The following NRDC variants were observed in gnomAD, a reference collection of about 807,000 sequenced individuals.
NRDC encodes the protein nardilysin.
In NRDC, 54 loss-of-function variants were observed where a neutral mutation model predicts 147.1. That is an observed-to-expected ratio of 0.37 (90% CI 0.29 to 0.46). The LOEUF (loss-of-function observed/expected upper bound fraction) is 0.46. NRDC is among the 20% of genes least tolerant of loss of function. The probability of loss-of-function intolerance (pLI) is 1.00; values close to 1 mark genes in which losing one functional copy is unlikely to be tolerated. For synonymous variants in NRDC, 440 were observed against 482.1 expected (o/e 0.91, Z 1.14); for missense variants, 1,082 against 1,370.6 (o/e 0.79, Z 3.33).
rs1284179343 is a variant in NRDC, at chr1:51,840,474, A to C, written c.382T>G (p.Ser128Ala). 1 of 1,611,376 alleles carries C rather than the reference A, an allele frequency of 6.2e-7. No individual in the cohort carries two copies. ...TTACCTTCCATATTACTTAGGTCTG[A>C]AATCAGAAGTGCCTGCAAGCCATTC... ...LQNGLQALLI[S>A]DLSNMEGKTG... is the part of the protein sequence containing the mutation. The change falls in exon 2 of 31, where the codon TCA becomes GCA. Residue 128 changes from serine (S) to alanine (A), a missense_variant. This residue lies in a region of NRDC where 260 missense variants were observed against 253.2 expected (regional missense o/e 1.03). Coordinates refer to ENST00000352171, the MANE Select transcript of NRDC (RefSeq NM_001101662.2).
Position 51,840,346 on chromosome 1 carries a change from CTCT to C in NRDC, c.507_509del (p.Glu170del), listed in dbSNP as rs1571889386. The C allele has an allele frequency of 1.3e-6, 2 of 1,530,212 alleles. No homozygotes were observed. The highest frequency in any genetic ancestry group is 4.5e-5 in the East Asian group (2 of 44,370). The allele number at this position is 1,530,212 out of a possible 1,614,324, so 94.8% of individuals were successfully genotyped here. A position where few individuals can be genotyped will look rare whatever the true frequency, so the allele number is the denominator to read the frequency against. On this transcript the variant is annotated inframe_deletion, in exon 2 of 31. Coordinates refer to ENST00000352171, the MANE Select transcript of NRDC (RefSeq NM_001101662.2). The stretch of plus-strand genomic sequence containing the variant: ...CAAACTCATCTTCATCATCAAAACC[CTCT>C]TCATCGTCATCTTCTATTTCAGCTC...
At chr1:51,807,052 AGT>A in intron 17 of NRDC, 139 bp from the exon 18 acceptor site, 1 of 91,140 alleles carries the variant, frequency 1.1e-5, no homozygotes, top group Non-Finnish European at 1.5e-5. Flanking sequence ...ACATTAAATT[AGT>A]AGACCAATAC....
In NRDC at chr1:51,840,219, C is replaced by A; in HGVS notation, c.630+7G>T. The A allele has an allele frequency of 1.3e-6, 2 of 1,587,152 alleles. No individual in the cohort carries two copies. Among genetic ancestry groups the A allele is most frequent in the Admixed American group, 1.8e-5 (1 of 55,170 alleles). ...CCAAATTAGAAGAAAACAGACATGA[C>A]TCGCACCTGTTTTTCAGTAGTTTTT... On this transcript the variant is annotated splice_region_variant and intron_variant, in intron 2 of 30. Coordinates refer to ENST00000352171, the MANE Select transcript of NRDC (RefSeq NM_001101662.2).
chr1:51,849,392 G>A (rs1430889070), intron 1 of NRDC, among the ~76,000 whole-genome samples: 5 of 151,760 alleles, frequency 3.3e-5, no homozygotes, highest in Admixed American at 2.6e-4. Context: ...TACAACTTGG[G>A]CGACAGGGCA....
At chr1:51,795,081 G>A (rs1308938756) in intron 22 of NRDC, 7 of 1,458,252 alleles carry the variant, frequency 4.8e-6, no homozygotes, top group Non-Finnish European at 5.5e-6. Flanking sequence ...TTGGCAATCT[G>A]TTTACCCATA....
chr1:51,863,563 A>G (rs1682658847), intron 1 of NRDC, among the ~76,000 whole-genome samples: 1 of 152,210 alleles, frequency 6.6e-6, no homozygotes, highest in Non-Finnish European at 1.5e-5. Flanking sequence ...TGTGCTATAA[A>G]AAGTTAAAAC....
chr1:51,809,758 C>T (rs904389511), intron 16 of NRDC, among the ~76,000 whole-genome samples: 3 of 151,992 alleles, frequency 2.0e-5, no homozygotes, highest in Admixed American at 6.6e-5. Flanking sequence ...CAAAATTAGC[C>T]GGGCATGGTG....
chr1:51,789,517 A>G, intron 30 of NRDC, 51 bp downstream of exon 30: 1 of 1,589,486 alleles, frequency 6.3e-7, no homozygotes, highest in Admixed American at 1.7e-5. Flanking sequence ...ACCCAAACTC[A>G]CTCAGTAAAT....
intron 18 of NRDC, among the ~76,000 whole-genome samples, chr1:51,805,933 TGAG>T (rs779509273): frequency 9.2e-5 from 14 of 152,174 alleles, no homozygotes; most frequent in Non-Finnish European, 2.1e-4. Flanking sequence ...AAACTGAATT[TGAG>T]GAGATTTTTA....
At position 51,808,779 on chromosome 1, in the gene NRDC, C is replaced by T. The variant is rs566883817; in HGVS notation, c.1990+536G>A. ...GCAACTCACTTAGAAATATGTTTTCCACTGCAAGCTAGTAGACAGGCAGAT... is the reference window on the plus strand; with the variant it reads ...GCAACTCACTTAGAAATATGTTTTCTACTGCAAGCTAGTAGACAGGCAGAT... On this transcript the variant is annotated intron_variant, in intron 17 of 30. Transcript: ENST00000352171. Among the ~76,000 whole-genome samples the T allele has an allele frequency of 4.6e-5, 7 of 152,258 alleles. No individual in the cohort carries two copies. The South Asian group carries it at 1.4e-3, about 32-fold the overall frequency.
intron 1 of NRDC, among the ~76,000 whole-genome samples, chr1:51,873,491 ATTTATTTAT>A (rs1378010135): frequency 5.7e-4 from 79 of 137,488 alleles, no homozygotes; most frequent in African/African-American, 2.1e-3. Flanking sequence ...TTATTTATTT[ATTTATTTAT>A]TTATTTATTT....
intron 12 of NRDC, 41 bp downstream of exon 12, chr1:51,814,652 T>C (rs539941888): frequency 2.6e-5 from 42 of 1,606,962 alleles, no homozygotes; most frequent in South Asian, 3.3e-5. Context: ...TAAAGTGATA[T>C]CTACGTAAAA....
chr1:51,819,285 G>A (rs890337746), intron 9 of NRDC, among the ~76,000 whole-genome samples: 2 of 149,772 alleles, frequency 1.3e-5, no homozygotes, highest in African/African-American at 2.5e-5. Context: ...GCAACAGAGC[G>A]AGACTCTGTC....
intron 1 of NRDC, among the ~76,000 whole-genome samples, chr1:51,877,671 C>T (rs1683398764): frequency 6.6e-6 from 1 of 152,148 alleles, no homozygotes; most frequent in Non-Finnish European, 1.5e-5. Context: ...TTAGAAGAAA[C>T]CTTACAACTC....
chr1:51,847,458 T>C (rs1306222758), intron 1 of NRDC, among the ~76,000 whole-genome samples: 1 of 151,958 alleles, frequency 6.6e-6, no homozygotes, highest in Non-Finnish European at 1.5e-5. Context: ...GCTCGGGGAG[T>C]GCAGGAGACC....
intron 15 of NRDC, among the ~76,000 whole-genome samples, chr1:51,810,902 T>C (rs981252431): frequency 3.9e-5 from 6 of 152,214 alleles, no homozygotes; most frequent in Non-Finnish European, 7.4e-5. Context: ...ACTAAATTTG[T>C]ACATGCTACC....
chr1:51,807,781 T>C (rs1470677205), intron 17 of NRDC, among the ~76,000 whole-genome samples: 1 of 150,662 alleles, frequency 6.6e-6, no homozygotes, highest in Non-Finnish European at 1.5e-5. Flanking sequence ...AAGTGTCTAA[T>C]ATAGATAATT....
At chr1:51,859,434 T>A in intron 1 of NRDC, among the ~76,000 whole-genome samples, 1 of 152,256 alleles carries the variant, frequency 6.6e-6, no homozygotes, top group Non-Finnish European at 1.5e-5. Context: ...CAGTGAGGCA[T>A]GAGGACACAT....
intron 15 of NRDC, among the ~76,000 whole-genome samples, chr1:51,810,937 G>A (rs1679686078): frequency 6.6e-6 from 1 of 152,152 alleles, no homozygotes; most frequent in African/African-American, 2.4e-5. Context: ...TAACAGCTAT[G>A]TTTTGTATCA....
Sources: allele counts gnomAD v4.1 joint callset (sites outside exome capture counted in the v4.1 genomes callset), GRCh38; gene constraint gnomAD v4.1.1; regional missense constraint gnomAD v4.1.1; transcripts MANE v1.5; gene names NCBI Gene and HGNC (gene_info 2026-07-23, HGNC 2026-07-21).